The following ADAM9 variants were observed in gnomAD, a reference collection of about 807,000 sequenced individuals.
ADAM9 encodes the protein disintegrin and metalloproteinase domain-containing protein 9.
A neutral mutation model predicts 108.1 loss-of-function variants in ADAM9; 54 were observed. The ratio of observed to expected loss-of-function variants is 0.50; its 90% CI spans 0.40 to 0.63. ADAM9 has a LOEUF of 0.63. ADAM9 is among the 20% of genes least tolerant of loss of function. The probability of loss-of-function intolerance (pLI) is 0.00; values close to 1 mark genes in which losing one functional copy is unlikely to be tolerated. For synonymous variants in ADAM9, 316 were observed against 336.0 expected (o/e 0.94, Z 0.65); for missense variants, 830 against 997.7 (o/e 0.83, Z 2.26).
chr8:39,086,350 A>G (rs770315210), intron 18 of ADAM9, among the ~76,000 whole-genome samples: 3 of 151,842 alleles, frequency 2.0e-5, no homozygotes, highest in Non-Finnish European at 4.4e-5. Context: ...CTTATTCTCC[A>G]TGTTTAATTT....
intron 14 of ADAM9, among the ~76,000 whole-genome samples, chr8:39,065,217 T>TC (rs1838421429): frequency 6.7e-6 from 1 of 150,264 alleles, no homozygotes; most frequent in African/African-American, 2.4e-5. Context: ...TTTTTGTTTT[T>TC]TTTTTTTGAC....
rs539378762 is a variant in ADAM9 at position 39,000,315 on chromosome 8, T to C, written c.97+3155T>C. Among the ~76,000 whole-genome samples the C allele has an allele frequency of 3.3e-5, 5 of 152,264 alleles. 1 individual carries two copies. The South Asian group carries it at 1.0e-3, about 32-fold the overall frequency. ...GCCTCTCTCACAGTCTTTGAATGGG[T>C]CTAATGTGGACCCAACTAAAGTTGG... On this transcript the variant is annotated intron_variant, in intron 1 of 21. Coordinates refer to ENST00000487273, the MANE Select transcript of ADAM9 (RefSeq NM_003816.3).
chr8:39,048,300 T>C (rs1283003585), intron 12 of ADAM9, among the ~76,000 whole-genome samples: 2 of 152,228 alleles, frequency 1.3e-5, no homozygotes, highest in Non-Finnish European at 2.9e-5. Context: ...TTGTGTTTGA[T>C]TTCCTTTTTG....
At chr8:39,084,290 A>T in intron 18 of ADAM9, among the ~76,000 whole-genome samples, 1 of 146,298 alleles carries the variant, frequency 6.8e-6, no homozygotes. Context: ...TTTGGGTTTC[A>T]TTTGTTCTTT....
chr8:39,036,813 G>A (rs1374610822), intron 11 of ADAM9, among the ~76,000 whole-genome samples: 1 of 151,622 alleles, frequency 6.6e-6, no homozygotes, highest in Non-Finnish European at 1.5e-5. Flanking sequence ...AGCACCACAA[G>A]TGTCTATGAT....
At chr8:39,069,274 A>G (rs1838599039) in intron 14 of ADAM9, among the ~76,000 whole-genome samples, 1 of 149,960 alleles carries the variant, frequency 6.7e-6, no homozygotes, top group Admixed American at 6.7e-5. Flanking sequence ...TTTCTGTGGG[A>G]TTTTAGGAGG....
At chr8:39,009,945 A>ACAACAG (rs1489199387) in intron 2 of ADAM9, among the ~76,000 whole-genome samples, 75 of 131,144 alleles carry the variant, frequency 5.7e-4, no homozygotes, top group Non-Finnish European at 1.1e-3. Context: ...AAAAACAAAA[A>ACAACAG]CAACAACAAC....
At chr8:38,998,719 G>C (rs1159110074) in intron 1 of ADAM9, among the ~76,000 whole-genome samples, 3 of 152,290 alleles carry the variant, frequency 2.0e-5, no homozygotes, top group Non-Finnish European at 4.4e-5. Context: ...AAGTAGAATA[G>C]TAGATACATT....
In ADAM9 at chr8:39,045,082, GCA is replaced by G. The variant is rs1837610014; in HGVS notation, c.1302+2966_1302+2967del. 1.5e-4 allele frequency among the ~76,000 whole-genome samples: 2 copies of G among 13,216 alleles called. 1 individual carries two copies. The highest frequency in any genetic ancestry group is 8.5e-4 in the African/African-American group (2 of 2,350). The allele number at this position is 13,216 out of a possible 152,430, so 8.7% of individuals were successfully genotyped here. On this transcript the variant is annotated intron_variant, in intron 12 of 21. Transcript: ENST00000487273. Reference sequence around the variant, plus strand: ...TGTGCATACATACATATGTGTGTGTGCATACATACATATGTGTGTGTGCATAC... The same window carrying G: ...TGTGCATACATACATATGTGTGTGTGTACATACATATGTGTGTGTGCATAC...
chr8:39,050,353 T>C (rs1837916732), intron 12 of ADAM9, among the ~76,000 whole-genome samples: 1 of 152,192 alleles, frequency 6.6e-6, no homozygotes, highest in African/African-American at 2.4e-5. Flanking sequence ...AGCTTTTTGG[T>C]ACTTTTTCTT....
chr8:39,067,220 G>A (rs1215934566), intron 14 of ADAM9, among the ~76,000 whole-genome samples: 1 of 152,198 alleles, frequency 6.6e-6, no homozygotes, highest in African/African-American at 2.4e-5. Context: ...GCTTAGGATT[G>A]ACTTGGCAAT....
chr8:39,079,453 A>G (rs1490211512), intron 16 of ADAM9, among the ~76,000 whole-genome samples: 1 of 151,922 alleles, frequency 6.6e-6, no homozygotes, highest in Non-Finnish European at 1.5e-5. Context: ...TTTTTCTGAG[A>G]AGTTCATATT....
intron 18 of ADAM9, chr8:39,089,712 A>G (rs1423175072): frequency 5.8e-6 from 2 of 343,068 alleles, no homozygotes; most frequent in East Asian, 1.4e-4. Context: ...CTATGTACAG[A>G]TAAGTGGAAA....
intron 14 of ADAM9, among the ~76,000 whole-genome samples, chr8:39,059,815 A>G (rs1838240726): frequency 3.3e-5 from 5 of 152,184 alleles, no homozygotes; most frequent in Admixed American, 3.3e-4. Context: ...CCATCTGCAA[A>G]CCAGGTCTCC....
chr8:39,080,074 C>G (rs192540043), intron 16 of ADAM9, among the ~76,000 whole-genome samples: 26 of 152,122 alleles, frequency 1.7e-4, no homozygotes, highest in African/African-American at 5.8e-4. Context: ...TCTACTTTAT[C>G]TTCCTCTTGC....
At chr8:39,045,408 G>GTACGTGTCTACACACACCTATA in intron 12 of ADAM9, among the ~76,000 whole-genome samples, 1 of 134,364 alleles carries the variant, frequency 7.4e-6, no homozygotes, top group Non-Finnish European at 1.6e-5. Flanking sequence ...ACACCTATAT[G>GTACGTGTCTACACACACCTATA]TGCGCGTGTG....
chr8:39,098,966 T>C (rs1839596264), intron 20 of ADAM9, among the ~76,000 whole-genome samples: 1 of 152,142 alleles, frequency 6.6e-6, no homozygotes, highest in Admixed American at 6.5e-5. Flanking sequence ...GATATATATA[T>C]ATTTTTTTGC....
intron 4 of ADAM9, 124 bp downstream of exon 4, chr8:39,014,167 A>G: frequency 1.3e-6 from 1 of 789,156 alleles, no homozygotes; most frequent in South Asian, 1.5e-5. Flanking sequence ...TAACATTATA[A>G]CATATGGGTT....
chr8:39,074,582 A>T (rs1838795425), intron 15 of ADAM9, among the ~76,000 whole-genome samples: 1 of 151,924 alleles, frequency 6.6e-6, no homozygotes. Flanking sequence ...AACAAAATGA[A>T]TGATTTCCTA....
Sources: allele counts gnomAD v4.1 joint callset (sites outside exome capture counted in the v4.1 genomes callset), GRCh38; gene constraint gnomAD v4.1.1; transcripts MANE v1.5; gene names NCBI Gene and HGNC (gene_info 2026-07-23, HGNC 2026-07-21).